The following GOPC variants were observed in gnomAD, a reference collection of about 807,000 sequenced individuals.
GOPC encodes Golgi-associated PDZ and coiled-coil motif-containing protein.
GOPC carries 32 observed loss-of-function variants against 51.2 expected under a neutral mutation model. The ratio of observed to expected loss-of-function variants is 0.63; its 90% CI spans 0.47 to 0.84. The LOEUF is 0.84. Among genes scored for constraint, GOPC ranks in the 40% least tolerant of loss-of-function variants. The pLI is 0.00. For missense variants in GOPC, 441 were observed against 555.5 expected, an observed-to-expected ratio of 0.79 and a Z score of 2.07; for synonymous variants, 190 against 205.1, an observed-to-expected ratio of 0.93 and a Z score of 0.63.
intron 1 of GOPC, among the ~76,000 whole-genome samples, chr6:117,593,936 C>A (rs1449899340): frequency 6.6e-6 from 1 of 152,142 alleles, no homozygotes; most frequent in African/African-American, 2.4e-5. Context: ...TCTTACTCCA[C>A]ACTATCATAA....
intron 1 of GOPC, among the ~76,000 whole-genome samples, chr6:117,593,554 CATA>C (rs1247419399): frequency 1.3e-5 from 2 of 152,236 alleles, no homozygotes; most frequent in East Asian, 3.8e-4. Flanking sequence ...CCCCATCAGA[CATA>C]ATGTGTTTGT....
chr6:117,563,435 G>A, intron 8 of GOPC, 51 bp from the exon 9 acceptor site: 1 of 1,596,156 alleles, frequency 6.3e-7, no homozygotes. Context: ...TAAAAAGTTG[G>A]TTTTGGTCAG....
intron 1 of GOPC, 99 bp downstream of exon 1, chr6:117,601,905 G>A: frequency 7.6e-7 from 1 of 1,313,936 alleles, no homozygotes; most frequent in Non-Finnish European, 1.0e-6. Context: ...GCCCCGGTGG[G>A]CAGTTTTCTA....
At chr6:117,585,921 G>C (rs141573044) in intron 1 of GOPC, among the ~76,000 whole-genome samples, 199 of 152,288 alleles carry the variant, frequency 1.3e-3, no homozygotes, top group African/African-American at 4.6e-3. Context: ...GAAGAAAATA[G>C]TTGACTCCAC....
intron 5 of GOPC, among the ~76,000 whole-genome samples, chr6:117,572,449 C>T (rs957401646): frequency 5.9e-5 from 9 of 152,002 alleles, no homozygotes; most frequent in African/African-American, 2.2e-4. Context: ...CTTCACTATA[C>T]CAAAATAACT....
chr6:117,602,271 T>C lies in GOPC; in HGVS notation c.18A>G (p.Pro6=), dbSNP rs775471346. 7 of 1,591,514 alleles carry C rather than the reference T, an allele frequency of 4.4e-6. No homozygotes were observed. The highest frequency in any genetic ancestry group is 2.5e-6 in the Non-Finnish European group (3 of 1,176,484). Residue 6 remains proline (P), a synonymous_variant, in exon 1 of 9, where the codon CCA becomes CCG. Coordinates refer to ENST00000368498, the MANE Select transcript of GOPC (RefSeq NM_020399.4). ...GGCCCCCTCCGGCTGCTGCTGGGCA[T>C]GGACCGCCCGCCGACATGGCGCCGT... is the stretch of plus-strand genomic sequence containing the variant. MSAGG[P]CPAAAGGGPG... is the part of the protein sequence containing the mutation.
rs1453636394 is a variant in GOPC at position 117,563,377 on chromosome 6, A to G, written c.1266T>C (p.Asn422=). ...SGEIKVLQGF[N]KKAVTDTHEN... ...CATGTGTGTCAGTTACTGCCTTCTT[A>G]TTAAATCCTGAAAGAAAGGAGAAAA... is the stretch of plus-strand genomic sequence containing the variant. Residue 422 remains asparagine, a synonymous_variant, in exon 9 of 9, where the codon AAT becomes AAC. Coordinates refer to ENST00000368498, the MANE Select transcript of GOPC (RefSeq NM_020399.4). 5.6e-6 allele frequency: 9 copies of G among 1,612,538 alleles called. No individual in the cohort carries two copies. The highest frequency in any genetic ancestry group is 5.9e-6 in the Non-Finnish European group (7 of 1,179,606).
chr6:117,563,415 C>G (rs761861929), intron 8 of GOPC, 31 bp from the exon 9 acceptor site: 5 of 1,609,558 alleles, frequency 3.1e-6, no homozygotes, highest in Non-Finnish European at 4.2e-6. Flanking sequence ...AAAGCAGACA[C>G]TTTCTGGTTT....
At chr6:117,596,814 G>A (rs796472138) in intron 1 of GOPC, among the ~76,000 whole-genome samples, 1 of 152,114 alleles carries the variant, frequency 6.6e-6, no homozygotes, top group Non-Finnish European at 1.5e-5. Flanking sequence ...ATAAAGTCAG[G>A]TAACCTAATG....
intron 1 of GOPC, among the ~76,000 whole-genome samples, chr6:117,587,601 A>G (rs1043314645): frequency 7.2e-5 from 11 of 152,086 alleles, no homozygotes; most frequent in African/African-American, 2.7e-4. Flanking sequence ...GTGTATGGCT[A>G]TTCTTCTGGG....
chr6:117,596,727 C>T (rs575958737), intron 1 of GOPC, among the ~76,000 whole-genome samples: 115 of 152,242 alleles, frequency 7.6e-4, no homozygotes, highest in African/African-American at 2.7e-3. Flanking sequence ...TTTCTGGGTT[C>T]TCTATTCTGT....
chr6:117,583,614 A>C (rs1779990542), intron 1 of GOPC, among the ~76,000 whole-genome samples: 1 of 152,164 alleles, frequency 6.6e-6, no homozygotes, highest in African/African-American at 2.4e-5. Flanking sequence ...AACATAATAC[A>C]CATGTAAAGT....
At position 117,602,334 on chromosome 6, in the gene GOPC, C is replaced by T. The variant is rs1772032958; in HGVS notation, c.-46G>A. 6.6e-7 allele frequency: 1 copy of T among 1,507,496 alleles called. No individual in the cohort carries two copies. The allele number at this position is 1,507,496 out of a possible 1,614,324, so 93.4% of individuals were successfully genotyped here. A position where few individuals can be genotyped will look rare whatever the true frequency, so the allele number is the denominator to read the frequency against. ...CCGACTGCTGAAGACCCTCGCCGCC[C>T]CCCGCGCACGAAGGGAACTGCTGGG... On this transcript the variant is annotated 5_prime_UTR_variant, in exon 1 of 9. Transcript: ENST00000368498.
intron 5 of GOPC, among the ~76,000 whole-genome samples, chr6:117,572,944 A>G (rs73766244): frequency 2.0e-5 from 3 of 152,204 alleles, no homozygotes; most frequent in Non-Finnish European, 2.9e-5. Flanking sequence ...AAAATTCAAT[A>G]AAGATTTATC....
intron 1 of GOPC, among the ~76,000 whole-genome samples, chr6:117,581,173 C>G (rs1020612938): frequency 3.9e-5 from 6 of 152,018 alleles, no homozygotes; most frequent in African/African-American, 1.4e-4. Flanking sequence ...ACTAGGAGCA[C>G]AGAGATGTGA....
At chr6:117,576,606 A>G (rs1208344907) in intron 3 of GOPC, among the ~76,000 whole-genome samples, 1 of 152,146 alleles carries the variant, frequency 6.6e-6, no homozygotes, top group Non-Finnish European at 1.5e-5. Flanking sequence ...TGAGCTATTT[A>G]TACTACATTA....
chr6:117,583,826 TCTC>T (rs1324303606), intron 1 of GOPC, among the ~76,000 whole-genome samples: 1 of 152,176 alleles, frequency 6.6e-6, no homozygotes, highest in African/African-American at 2.4e-5. Context: ...CCCTCACTCT[TCTC>T]AAACATTTAA....
intron 1 of GOPC, among the ~76,000 whole-genome samples, chr6:117,589,003 C>T (rs928698907): frequency 6.6e-6 from 1 of 152,002 alleles, no homozygotes; most frequent in Non-Finnish European, 1.5e-5. Flanking sequence ...TTGTCTTGGG[C>T]CACGCACAAA....
chr6:117,597,987 G>C (rs984993668), intron 1 of GOPC, among the ~76,000 whole-genome samples: 1 of 151,992 alleles, frequency 6.6e-6, no homozygotes, highest in Non-Finnish European at 1.5e-5. Context: ...ACATGGATGA[G>C]CTTGGAGGAC....
Sources: gnomAD v4.1 joint callset for allele counts (sites outside exome capture counted in the v4.1 genomes callset) on GRCh38, gnomAD v4.1.1 for gene constraint, MANE v1.5 for transcripts, NCBI Gene and HGNC (gene_info 2026-07-23, HGNC 2026-07-21) for gene names.